The following ATG7 variants were observed in gnomAD, a reference collection of about 807,000 sequenced individuals.
ATG7 encodes the protein ubiquitin-like modifier-activating enzyme ATG7.
Under a neutral mutation model 82.4 loss-of-function variants are expected in ATG7, and 70 were observed. The observed-to-expected ratio is 0.85, with a 90% confidence interval of 0.70 to 1.04. The LOEUF (loss-of-function observed/expected upper bound fraction) is 1.04. ATG7 is among the 50% of genes least tolerant of loss of function. The pLI, the probability that ATG7 is intolerant of heterozygous loss-of-function variation, is 0.00. For missense variants in ATG7, 792 were observed against 864.3 expected (o/e 0.92, Z 1.05); for synonymous variants, 287 against 313.0 (o/e 0.92, Z 0.88).
In ATG7 at chr3:11,307,037, C is replaced by A; in HGVS notation, c.310C>A (p.Leu104Ile). The stretch of plus-strand genomic sequence containing the variant: ...TTTCAAGACTGCAGATAAGAAGCTC[C>A]TTTTGGAACAAGCAGCAAATGAGGT... ...ESFKTADKKLLLEQAANEIWE... is the reference protein window; with the variant it reads ...ESFKTADKKLILEQAANEIWE... Residue 104 changes from leucine (L) to isoleucine (I), a missense_variant, in exon 6 of 21, where the codon CTT becomes ATT. Coordinates refer to ENST00000693202, the MANE Select transcript of ATG7 (RefSeq NM_001349232.2). The A allele has an allele frequency of 1.2e-6, 2 of 1,613,898 alleles. No homozygotes were observed. Among genetic ancestry groups the A allele is most frequent in the Non-Finnish European group, 1.7e-6 (2 of 1,179,826 alleles).
At chr3:11,419,208 G>A (rs760544048) in intron 19 of ATG7, among the ~76,000 whole-genome samples, 6 of 152,076 alleles carry the variant, frequency 3.9e-5, no homozygotes, top group Non-Finnish European at 8.8e-5. Flanking sequence ...AAATACATTA[G>A]CAATTGTTTT....
At chr3:11,414,838 A>G (rs2081230942) in intron 19 of ATG7, among the ~76,000 whole-genome samples, 1 of 152,154 alleles carries the variant, frequency 6.6e-6, no homozygotes, top group Admixed American at 6.5e-5. Context: ...TCTTTTGCCT[A>G]TGGATGTGAT....
intron 20 of ATG7, among the ~76,000 whole-genome samples, chr3:11,516,654 C>T (rs982953807): frequency 6.6e-6 from 1 of 152,186 alleles, no homozygotes; most frequent in African/African-American, 2.4e-5. Flanking sequence ...ATTGCCAAAA[C>T]TTAGAAGCAA....
intron 20 of ATG7, among the ~76,000 whole-genome samples, chr3:11,454,821 G>A (rs1440528547): frequency 1.3e-5 from 2 of 152,130 alleles, no homozygotes; most frequent in South Asian, 4.1e-4. Context: ...ATGCTAATGA[G>A]GTTAATGGCT....
chr3:11,535,227 G>A (rs1359186254), intron 20 of ATG7, among the ~76,000 whole-genome samples: 1 of 152,194 alleles, frequency 6.6e-6, no homozygotes, highest in Non-Finnish European at 1.5e-5. Context: ...GCCCCCTCTA[G>A]CTCAGGCCAG....
intron 15 of ATG7, among the ~76,000 whole-genome samples, chr3:11,360,239 G>C (rs2076203348): frequency 6.6e-6 from 1 of 152,272 alleles, no homozygotes; most frequent in East Asian, 1.9e-4. Context: ...TAGAGACAGG[G>C]TTTCGTCATG....
intron 11 of ATG7, among the ~76,000 whole-genome samples, chr3:11,339,319 GA>G (rs1193969650): frequency 1.4e-5 from 2 of 141,842 alleles, no homozygotes; most frequent in Non-Finnish European, 3.1e-5. Context: ...AAAAAGAAAA[GA>G]AAAGAAAACC....
chr3:11,559,337 G>T, downstream of ATG7: 2 of 1,542,092 alleles, frequency 1.3e-6, no homozygotes, highest in Non-Finnish European at 1.8e-6. Context: ...CTCACCGCTC[G>T]GTGGCCTCCG....
At chr3:11,523,264 G>T (rs1216194215) in intron 20 of ATG7, among the ~76,000 whole-genome samples, 1 of 152,160 alleles carries the variant, frequency 6.6e-6, no homozygotes, top group African/African-American at 2.4e-5. Flanking sequence ...GGCAGCGGGG[G>T]AGTGCAGGGG....
At chr3:11,281,643 G>C (rs1182304005) in intron 2 of ATG7, among the ~76,000 whole-genome samples, 1 of 151,736 alleles carries the variant, frequency 6.6e-6, no homozygotes, top group Non-Finnish European at 1.5e-5. Context: ...GCGTAGTGGC[G>C]GGCGCCCATA....
intron 20 of ATG7, among the ~76,000 whole-genome samples, chr3:11,528,827 A>G (rs1415425012): frequency 1.3e-5 from 1 of 74,906 alleles, no homozygotes; most frequent in African/African-American, 1.3e-4. Context: ...CTCCATCTCA[A>G]AAAAAAAAAA....
At position 11,486,987 on chromosome 3, in the gene ATG7, C is replaced by T. The variant is rs866183858; in HGVS notation, c.2079+60061C>T. Among the ~76,000 whole-genome samples the T allele has an allele frequency of 3.2e-4, 49 of 151,742 alleles. No individual in the cohort carries two copies. In the Middle Eastern group the frequency reaches 0.014, roughly 42 times the overall value. On this transcript the variant is annotated intron_variant, in intron 20 of 20. Transcript: ENST00000693202. ...CTAGGCAGAGGACCCTGCGGCCTTC[C>T]GCAGTGTTTGTGTCCCTGATTACTT...
intron 20 of ATG7, among the ~76,000 whole-genome samples, chr3:11,491,990 C>G (rs542753428): frequency 5.3e-5 from 8 of 152,324 alleles, no homozygotes; most frequent in Non-Finnish European, 1.0e-4. Flanking sequence ...TGGGCTACAC[C>G]AAGTTTGAGC....
At chr3:11,403,724 A>G (rs2080065151) in intron 19 of ATG7, among the ~76,000 whole-genome samples, 1 of 152,238 alleles carries the variant, frequency 6.6e-6, no homozygotes, top group South Asian at 2.1e-4. Context: ...ATAAAAACCA[A>G]CAACATATTA....
chr3:11,501,121 A>G (rs1293629029), intron 20 of ATG7, among the ~76,000 whole-genome samples: 1 of 152,196 alleles, frequency 6.6e-6, no homozygotes, highest in African/African-American at 2.4e-5. Context: ...AGGTATGGTG[A>G]TACGCACCTG....
intron 19 of ATG7, among the ~76,000 whole-genome samples, chr3:11,396,088 G>A (rs1034264648): frequency 6.6e-6 from 1 of 151,500 alleles, no homozygotes; most frequent in Non-Finnish European, 1.5e-5. Flanking sequence ...TAGGAGGAAG[G>A]TGATCCAAAA....
chr3:11,359,623 G>T (rs2076159959), intron 15 of ATG7, among the ~76,000 whole-genome samples: 1 of 151,962 alleles, frequency 6.6e-6, no homozygotes, highest in African/African-American at 2.4e-5. Context: ...TTGAGCCTGG[G>T]AGGTTGAGGC....
At position 11,466,735 on chromosome 3, in the gene ATG7, C is replaced by G. The variant is rs570971842; in HGVS notation, c.2079+39809C>G. 3.9e-5 allele frequency among the ~76,000 whole-genome samples: 6 copies of G among 152,270 alleles called. No individual in the cohort carries two copies. In the East Asian group the frequency reaches 1.2e-3, roughly 29 times the overall value. On this transcript the variant is annotated intron_variant, in intron 20 of 20. Transcript: ENST00000693202. ...ATGTTCAATATCATCTATAGAAACT[C>G]AACTGTTGGATGCATTAGCATCAGA...
chr3:11,348,105 G>A, intron 14 of ATG7, 70 bp downstream of exon 14: 1 of 1,516,988 alleles, frequency 6.6e-7, no homozygotes, highest in Non-Finnish European at 8.9e-7. Flanking sequence ...AATGAGGCCT[G>A]TGGCATTGAA....
Sources: gnomAD v4.1 joint callset for allele counts (sites outside exome capture counted in the v4.1 genomes callset) on GRCh38, gnomAD v4.1.1 for gene constraint, MANE v1.5 for transcripts, NCBI Gene and HGNC (gene_info 2026-07-23, HGNC 2026-07-21) for gene names.